The following SEMA3A variants were observed in gnomAD, a reference collection of about 807,000 sequenced individuals.
The protein encoded by SEMA3A is semaphorin-3A.
A neutral mutation model predicts 97.9 loss-of-function variants in SEMA3A; 29 were observed. That is an observed-to-expected ratio of 0.30 (90% confidence interval 0.22 to 0.40). The LOEUF is 0.40. SEMA3A is among the 10% of genes least tolerant of loss of function. The pLI, the probability that SEMA3A is intolerant of heterozygous loss-of-function variation, is 1.00. For missense variants in SEMA3A, 763 were observed against 951.3 expected (o/e 0.80, Z 2.60); for synonymous variants, 321 against 323.7 (o/e 0.99, Z 0.09).
At chr7:84,407,814 A>G (rs974069980) in intron 1 of SEMA3A, among the ~76,000 whole-genome samples, 4 of 152,202 alleles carry the variant, frequency 2.6e-5, no homozygotes, top group African/African-American at 7.2e-5. Context: ...TATTTAATAA[A>G]TGATGCTGGG....
At chr7:84,096,265 C>T (rs1794768686) in intron 4 of SEMA3A, among the ~76,000 whole-genome samples, 1 of 151,994 alleles carries the variant, frequency 6.6e-6, no homozygotes, top group Admixed American at 6.6e-5. Flanking sequence ...TACTTTTTAA[C>T]TAATTCGAGT....
intron 2 of SEMA3A, among the ~76,000 whole-genome samples, chr7:84,358,042 T>C (rs962513019): frequency 5.9e-5 from 9 of 152,368 alleles, no homozygotes; most frequent in Admixed American, 5.2e-4. Flanking sequence ...ATTAGCCCTT[T>C]GTCAGATTAG....
At chr7:84,237,366 T>C (rs1305698892) in intron 3 of SEMA3A, among the ~76,000 whole-genome samples, 1 of 152,112 alleles carries the variant, frequency 6.6e-6, no homozygotes, top group Non-Finnish European at 1.5e-5. Context: ...TACTCAAACT[T>C]ACTACTCACT....
intron 1 of SEMA3A, among the ~76,000 whole-genome samples, chr7:84,186,354 A>T (rs537018819): frequency 6.6e-6 from 1 of 152,320 alleles, no homozygotes; most frequent in Admixed American, 6.5e-5. Flanking sequence ...TATACATAGA[A>T]CGCAAGTAAG....
intron 3 of SEMA3A, among the ~76,000 whole-genome samples, chr7:84,221,234 A>G (rs1429171151): frequency 6.6e-6 from 1 of 152,100 alleles, no homozygotes; most frequent in Non-Finnish European, 1.5e-5. Flanking sequence ...CAGCCTTCAC[A>G]GAATTGGAGA....
intron 1 of SEMA3A, among the ~76,000 whole-genome samples, chr7:84,183,401 C>A (rs1303300644): frequency 6.6e-6 from 1 of 151,890 alleles, no homozygotes; most frequent in East Asian, 1.9e-4. Flanking sequence ...AGAGTATGAC[C>A]TATCATTCAA....
chr7:83,989,587 G>C (rs565876938), intron 12 of SEMA3A, among the ~76,000 whole-genome samples: 10 of 132,176 alleles, frequency 7.6e-5, no homozygotes, highest in African/African-American at 2.9e-4. Context: ...TTGTTCTTGC[G>C]ATAGTTTACT....
At chr7:84,320,021 A>G (rs1801608278) in intron 2 of SEMA3A, among the ~76,000 whole-genome samples, 1 of 152,168 alleles carries the variant, frequency 6.6e-6, no homozygotes, top group African/African-American at 2.4e-5. Context: ...CCAAAGTAGG[A>G]GCCCAACTGA....
At position 84,106,435 on chromosome 7, in the gene SEMA3A, G is replaced by C. The variant is rs576401346; in HGVS notation, c.453+4035C>G. On this transcript the variant is annotated intron_variant, in intron 4 of 16. Transcript: ENST00000265362. ...GGTATATAGTAGGCTATCCCATCTA[G>C]ATTGGTGTAAGTACACTCTATGATT... Among the ~76,000 whole-genome samples, 3 of 152,236 alleles carry C rather than the reference G, an allele frequency of 2.0e-5. No individual in the cohort carries two copies. In the South Asian group the frequency reaches 6.2e-4, roughly 32 times the overall value.
chr7:84,280,966 C>A (rs1800426374), intron 3 of SEMA3A, among the ~76,000 whole-genome samples: 1 of 152,096 alleles, frequency 6.6e-6, no homozygotes, highest in Non-Finnish European at 1.5e-5. Flanking sequence ...TTCCCACTTA[C>A]TGTTATAAAC....
chr7:84,491,498 T>C (rs1806734568), intron 1 of SEMA3A, among the ~76,000 whole-genome samples: 1 of 152,166 alleles, frequency 6.6e-6, no homozygotes, highest in South Asian at 2.1e-4. Flanking sequence ...GTTCTATGTG[T>C]TTATTTCTTA....
In SEMA3A at chr7:84,301,940, A is replaced by G. The variant is rs1278507469; in HGVS notation, c.-83+5267T>C. On this transcript the variant is annotated intron_variant, in intron 3 of 3. Transcript: ENST00000424555. ...TTCCAATCCACGTCTTTTTCAAACT[A>G]AATGAAAACACATATTCATACAAAG... Among the ~76,000 whole-genome samples, 3 of 152,284 alleles carry G rather than the reference A, an allele frequency of 2.0e-5. No individual in the cohort carries two copies. In the East Asian group the frequency reaches 5.8e-4, roughly 29 times the overall value.
intron 4 of SEMA3A, among the ~76,000 whole-genome samples, chr7:84,101,846 A>G (rs1181658188): frequency 6.6e-6 from 1 of 152,100 alleles, no homozygotes; most frequent in African/African-American, 2.4e-5. Context: ...ACTAGTCTAA[A>G]TTTAGTTGAG....
intron 1 of SEMA3A, among the ~76,000 whole-genome samples, chr7:84,450,964 T>G (rs1306929383): frequency 6.6e-6 from 1 of 152,196 alleles, no homozygotes; most frequent in Non-Finnish European, 1.5e-5. Context: ...AGGTTGCCTT[T>G]TCACTCTGTT....
chr7:84,311,600 T>C (rs9986757), intron 2 of SEMA3A, among the ~76,000 whole-genome samples: 3,898 of 152,038 alleles, frequency 0.026, 171 homozygotes, highest in African/African-American at 0.089. Flanking sequence ...GGTTGATATA[T>C]ACATTAGGCA....
At chr7:84,077,943 T>C (rs1236655796) in intron 4 of SEMA3A, among the ~76,000 whole-genome samples, 6 of 152,044 alleles carry the variant, frequency 3.9e-5, no homozygotes, top group Non-Finnish European at 8.8e-5. Flanking sequence ...TGCCTAACTA[T>C]GTAATTGATT....
At chr7:84,347,410 C>CTTTT (rs549082504) in intron 2 of SEMA3A, among the ~76,000 whole-genome samples, 2 of 136,500 alleles carry the variant, frequency 1.5e-5, no homozygotes, top group African/African-American at 2.7e-5. Context: ...TTCTTCAAAC[C>CTTTT]TTTTTTTTTT....
At chr7:83,995,497 T>TAAC (rs1024835009) in intron 12 of SEMA3A, among the ~76,000 whole-genome samples, 1 of 152,210 alleles carries the variant, frequency 6.6e-6, no homozygotes, top group African/African-American at 2.4e-5. Context: ...AGGAAATTAA[T>TAAC]AACAGTTTGG....
intron 3 of SEMA3A, among the ~76,000 whole-genome samples, chr7:84,118,424 C>T (rs1196877034): frequency 1.3e-5 from 2 of 152,148 alleles, no homozygotes; most frequent in Non-Finnish European, 2.9e-5. Flanking sequence ...TTGGTTTAGG[C>T]TGGCTATCAA....
Sources: gnomAD v4.1 joint callset for allele counts (sites outside exome capture counted in the v4.1 genomes callset) on GRCh38, gnomAD v4.1.1 for gene constraint, MANE v1.5 for transcripts, NCBI Gene and HGNC (gene_info 2026-07-23, HGNC 2026-07-21) for gene names.